GSTO2: variants seen among roughly 807,000 people sequenced by gnomAD.
GSTO2 encodes the protein glutathione S-transferase omega 2, also known as glutathione S-transferase omega-2.
A neutral mutation model predicts 28.4 loss-of-function variants in GSTO2; 23 were observed. The ratio of observed to expected loss-of-function variants is 0.81; its 90% CI spans 0.58 to 1.15. The LOEUF (loss-of-function observed/expected upper bound fraction) is 1.15. Ranked by LOEUF, GSTO2 falls within the 50% of genes most tolerant of loss-of-function variation. The pLI, the probability that GSTO2 is intolerant of heterozygous loss-of-function variation, is 0.00. For missense variants in GSTO2, 298 were observed against 297.8 expected, an observed-to-expected ratio of 1.00 and a Z score of 0.00; for synonymous variants, 109 against 111.0, an observed-to-expected ratio of 0.98 and a Z score of 0.11.
intron 5 of GSTO2, among the ~76,000 whole-genome samples, chr10:104,287,967 G>A (rs12254869): frequency 2.0e-5 from 3 of 147,732 alleles, no homozygotes; most frequent in Non-Finnish European, 3.0e-5. Flanking sequence ...GGCTCACTGC[G>A]AGCTCCACCT....
At chr10:104,297,550 T>C (rs759611814) in intron 5 of GSTO2, 28 bp from the exon 6 acceptor site, 6 of 1,418,258 alleles carry the variant, frequency 4.2e-6, no homozygotes, top group East Asian at 4.6e-5. Context: ...TATAAACTTA[T>C]TTGCTTTTGC....
In GSTO2 at chr10:104,277,868, G is replaced by C. The variant is rs565662397; in HGVS notation, c.144-26G>C. 4.6e-6 allele frequency: 7 copies of C among 1,525,448 alleles called. No homozygotes were observed. In the South Asian group the frequency reaches 7.9e-5, roughly 17 times the overall value. The allele number at this position is 1,525,448 out of a possible 1,614,324, so 94.5% of individuals were successfully genotyped here. The stretch of plus-strand genomic sequence containing the variant: ...TGCAGATGCCTCTCATTTTTGTTCT[G>C]TCTTGTTTTCCTTTTGCTTTTTAAG... On this transcript the variant is annotated intron_variant, in intron 3 of 6. Coordinates refer to ENST00000338595, the MANE Select transcript of GSTO2 (RefSeq NM_183239.2).
chr10:104,280,468 G>A (rs539949570), intron 5 of GSTO2, among the ~76,000 whole-genome samples: 2 of 152,114 alleles, frequency 1.3e-5, no homozygotes, highest in African/African-American at 2.4e-5. Context: ...TTTACATTTC[G>A]TTGGCCAGAA....
chr10:104,276,673 T>C (rs1281773900), intron 3 of GSTO2, among the ~76,000 whole-genome samples: 3 of 152,212 alleles, frequency 2.0e-5, no homozygotes, highest in South Asian at 2.1e-4. Flanking sequence ...GGTCTTGCTA[T>C]GTGGCCTATG....
At chr10:104,290,951 T>C (rs1564851175) in intron 5 of GSTO2, among the ~76,000 whole-genome samples, 1 of 152,200 alleles carries the variant, frequency 6.6e-6, no homozygotes, top group Non-Finnish European at 1.5e-5. Flanking sequence ...TACCCCATTC[T>C]CCATGATGTG....
At position 104,300,018 on chromosome 10, in the gene GSTO2, A is replaced by G. The variant is rs988346818; in HGVS notation, c.*734A>G. On this transcript the variant is annotated 3_prime_UTR_variant, in exon 7 of 7. Transcript: ENST00000338595. ...GAAGAGGGAGAAGGAAGAAGAAAAC[A>G]CTCCAAACCTAAATACCTTCCATTT... 1 of 152,248 alleles carries G rather than the reference A, an allele frequency of 6.6e-6. No homozygotes were observed. The highest frequency in any genetic ancestry group is 2.4e-5 in the African/African-American group (1 of 41,376). 9.4% of individuals were successfully genotyped at this position (152,248 alleles called of 1,614,324 possible). A position where few individuals can be genotyped will look rare whatever the true frequency, so the allele number is the denominator to read the frequency against.
At chr10:104,272,839 C>A (rs553757736) in intron 1 of GSTO2, among the ~76,000 whole-genome samples, 2 of 151,884 alleles carry the variant, frequency 1.3e-5, no homozygotes, top group Non-Finnish European at 2.9e-5. Context: ...GCCTCAATCT[C>A]CTGACCTCGT....
chr10:104,272,965 A>C (rs893583379), intron 1 of GSTO2, among the ~76,000 whole-genome samples: 2 of 152,142 alleles, frequency 1.3e-5, no homozygotes, highest in African/African-American at 4.8e-5. Flanking sequence ...GAAGCACCAA[A>C]TATATATTAG....
intron 5 of GSTO2, chr10:104,291,625 C>T (rs1564851418): frequency 6.6e-6 from 1 of 152,354 alleles, no homozygotes; most frequent in Non-Finnish European, 1.5e-5. Flanking sequence ...TGACGTTCTC[C>T]TTCGTCCCTC....
At chr10:104,296,624 A>G (rs1025181817) in intron 5 of GSTO2, 3 of 151,252 alleles carry the variant, frequency 2.0e-5, no homozygotes, top group Non-Finnish European at 3.0e-5. Context: ...AAAAAAAAAA[A>G]AAAAAAAAAA....
At chr10:104,269,894 A>C (rs73333283) in intron 1 of GSTO2, among the ~76,000 whole-genome samples, 4,542 of 152,302 alleles carry the variant, frequency 0.03, 251 homozygotes, top group African/African-American at 0.11. Flanking sequence ...CCAGCTAATA[A>C]ATATTGAAGA....
intron 6 of GSTO2, 34 bp downstream of exon 6, chr10:104,297,718 G>A (rs766130252): frequency 2.7e-5 from 39 of 1,423,036 alleles, no homozygotes; most frequent in South Asian, 9.2e-5. Flanking sequence ...TTAAATTCCC[G>A]GAGTCACACT....
Position 104,278,042 on chromosome 10 carries a change from C to G in GSTO2, c.292C>G (p.Pro98Ala). The G allele has an allele frequency of 1.2e-6, 2 of 1,614,102 alleles. No individual in the cohort carries two copies. The highest frequency in any genetic ancestry group is 1.7e-6 in the Non-Finnish European group (2 of 1,180,018). Reference sequence around the variant, plus strand: ...TTGTGAGTACCTGGATGATGCTTATCCAGGAAGGAAGCTGTTTCCATATGA... The same window carrying G: ...TTGTGAGTACCTGGATGATGCTTATGCAGGAAGGAAGCTGTTTCCATATGA... Reference protein sequence around the residue: ...IACEYLDDAYPGRKLFPYDPY... With the variant: ...IACEYLDDAYAGRKLFPYDPY... Residue 98 changes from proline (P) to alanine (A), a missense_variant, in exon 4 of 7, where the codon CCA becomes GCA. Transcript: ENST00000338595.
At chr10:104,295,811 T>A (rs1186252897) in intron 5 of GSTO2, 3 of 152,260 alleles carry the variant, frequency 2.0e-5, no homozygotes, top group Non-Finnish European at 4.4e-5. Flanking sequence ...AGCCTGGGTG[T>A]CTCCTGGCTG....
intron 5 of GSTO2, among the ~76,000 whole-genome samples, chr10:104,293,515 G>T (rs994338095): frequency 6.8e-6 from 1 of 147,856 alleles, no homozygotes; most frequent in African/African-American, 2.5e-5. Context: ...GCCCACTTCG[G>T]CCTCCCAAAT....
chr10:104,290,557 T>C (rs11191989), intron 5 of GSTO2, among the ~76,000 whole-genome samples: 34,348 of 151,788 alleles, frequency 0.23, 4,410 homozygotes, highest in Middle Eastern at 0.33. Context: ...TGGAGTACTA[T>C]TTGGCCATGA....
chr10:104,283,134 T>C (rs2012186453), intron 5 of GSTO2, among the ~76,000 whole-genome samples: 1 of 152,226 alleles, frequency 6.6e-6, no homozygotes, highest in African/African-American at 2.4e-5. Flanking sequence ...CTCCAGCATG[T>C]CACTGAATAA....
chr10:104,277,219 AC>A (rs1564843883), intron 3 of GSTO2, among the ~76,000 whole-genome samples: 1 of 152,000 alleles, frequency 6.6e-6, no homozygotes, highest in Non-Finnish European at 1.5e-5. Flanking sequence ...TGTAGAATGT[AC>A]TAAACTCTCT....
intron 5 of GSTO2, among the ~76,000 whole-genome samples, chr10:104,290,954 A>G (rs2012738006): frequency 6.6e-6 from 1 of 152,212 alleles, no homozygotes; most frequent in African/African-American, 2.4e-5. Flanking sequence ...CCCATTCTCC[A>G]TGATGTGCTT....
Sources: allele counts gnomAD v4.1 joint callset (sites outside exome capture counted in the v4.1 genomes callset), GRCh38; gene constraint gnomAD v4.1.1; transcripts MANE v1.5; gene names NCBI Gene and HGNC (gene_info 2026-07-23, HGNC 2026-07-21).